Variants in ARHGAP26 observed in about 807,000 individuals in gnomAD.
The protein encoded by ARHGAP26 is rho GTPase-activating protein 26.
Under a neutral mutation model 104.8 loss-of-function variants are expected in ARHGAP26, and 38 were observed. The observed-to-expected ratio is 0.36, with a 90% CI of 0.28 to 0.48. The LOEUF (loss-of-function observed/expected upper bound fraction) is 0.48. Among genes scored for constraint, ARHGAP26 ranks in the 20% least tolerant of loss-of-function variants. The pLI is 0.99. For missense variants in ARHGAP26, 704 were observed against 947.9 expected (o/e 0.74, Z 3.38); for synonymous variants, 341 against 340.0 (o/e 1.00, Z -0.03).
chr5:142,982,276 C>G (rs1045969280), intron 11 of ARHGAP26, among the ~76,000 whole-genome samples: 1 of 152,240 alleles, frequency 6.6e-6, no homozygotes. Context: ...CTTTGGAGCA[C>G]TTGGGGATGC....
intron 11 of ARHGAP26, among the ~76,000 whole-genome samples, chr5:142,974,443 G>A (rs1317722904): frequency 6.6e-6 from 1 of 151,936 alleles, no homozygotes; most frequent in East Asian, 1.9e-4. Context: ...TACAGGCAAT[G>A]GCCCTCTTTA....
At chr5:142,867,262 T>G (rs990797965) in intron 1 of ARHGAP26, among the ~76,000 whole-genome samples, 16 of 151,792 alleles carry the variant, frequency 1.1e-4, no homozygotes, top group Non-Finnish European at 8.8e-5. Context: ...TATGGAGAAT[T>G]TTGTTTCATT....
chr5:142,907,916 TA>T, intron 9 of ARHGAP26, 112 bp downstream of exon 9: 1 of 632,874 alleles, frequency 1.6e-6, no homozygotes, highest in Non-Finnish European at 2.3e-6. Context: ...ATCATAAATT[TA>T]AAATTAATAA....
At chr5:143,058,388 G>A (rs1383862071) in intron 17 of ARHGAP26, among the ~76,000 whole-genome samples, 2 of 152,244 alleles carry the variant, frequency 1.3e-5, no homozygotes, top group Admixed American at 6.5e-5. Flanking sequence ...AAAGCATTCA[G>A]TAGGGACCTG....
At chr5:143,153,356 T>C (rs1800069532) in intron 20 of ARHGAP26, among the ~76,000 whole-genome samples, 1 of 152,168 alleles carries the variant, frequency 6.6e-6, no homozygotes, top group Admixed American at 6.5e-5. Flanking sequence ...CCACTGTCTC[T>C]GGTGGAAGAA....
chr5:143,028,587 G>A (rs1266937836), intron 12 of ARHGAP26, among the ~76,000 whole-genome samples: 1 of 152,166 alleles, frequency 6.6e-6, no homozygotes, highest in Non-Finnish European at 1.5e-5. Flanking sequence ...TCATGATCAT[G>A]TATTGAATAC....
chr5:143,142,234 G>A lies in ARHGAP26; in HGVS notation c.1838-4997G>A, dbSNP rs933330054. Among the ~76,000 whole-genome samples the A allele has an allele frequency of 3.0e-4, 43 of 144,524 alleles. 1 individual carries two copies. The highest frequency in any genetic ancestry group is 1.0e-3 in the African/African-American group (38 of 38,182). 94.8% of individuals were successfully genotyped at this position (144,524 alleles called of 152,430 possible). A position where few individuals can be genotyped will look rare whatever the true frequency, so the allele number is the denominator to read the frequency against. On this transcript the variant is annotated intron_variant, in intron 19 of 22. Coordinates refer to ENST00000645722, the MANE Select transcript of ARHGAP26 (RefSeq NM_001135608.3). ...GCTCACTGCAACCTTCGCCTCCCGG[G>A]TTCAAGTGATTCTCCCGCCTTAGCC...
chr5:143,177,694 A>T (rs1803686936), intron 20 of ARHGAP26, among the ~76,000 whole-genome samples: 1 of 152,174 alleles, frequency 6.6e-6, no homozygotes, highest in African/African-American at 2.4e-5. Context: ...CAGTTTGCAG[A>T]GTGTTTCATT....
intron 20 of ARHGAP26, among the ~76,000 whole-genome samples, chr5:143,206,140 G>T (rs1808509587): frequency 6.6e-6 from 1 of 152,176 alleles, no homozygotes; most frequent in Non-Finnish European, 1.5e-5. Context: ...CTGCTAAATT[G>T]CAGTACGCTT....
chr5:143,210,281 A>G (rs1326492542), intron 21 of ARHGAP26, among the ~76,000 whole-genome samples: 1 of 151,744 alleles, frequency 6.6e-6, no homozygotes, highest in Non-Finnish European at 1.5e-5. Context: ...GTGCAGGGAA[A>G]CTCCCGTTTT....
intron 12 of ARHGAP26, among the ~76,000 whole-genome samples, chr5:143,029,129 G>A (rs1403581371): frequency 6.6e-6 from 1 of 152,140 alleles, no homozygotes; most frequent in Non-Finnish European, 1.5e-5. Context: ...TTCCCTCTGT[G>A]TGTGTGAAAA....
rs1773350177 is a variant in ARHGAP26, at chr5:142,977,877, A to C, written c.1108-36203A>C. ...TATCTTGTGTTTCTCTGTTCGTACC[A>C]CTACTGCTTTCCTTCCTGGCTACAT... On this transcript the variant is annotated intron_variant, in intron 11 of 22. Transcript: ENST00000645722. 4.6e-5 allele frequency among the ~76,000 whole-genome samples: 7 copies of C among 152,328 alleles called. No individual in the cohort carries two copies. In the South Asian group the frequency reaches 1.4e-3, roughly 32 times the overall value.
At chr5:142,961,376 C>A (rs1770214913) in intron 11 of ARHGAP26, among the ~76,000 whole-genome samples, 1 of 152,038 alleles carries the variant, frequency 6.6e-6, no homozygotes. Flanking sequence ...CCTGCAGTTC[C>A]AGCTACGTGG....
At chr5:142,919,188 A>G in intron 10 of ARHGAP26, 1 of 398,590 alleles carries the variant, frequency 2.5e-6, no homozygotes, top group Non-Finnish European at 4.4e-6. Flanking sequence ...TTAATGCGAT[A>G]TTACCATTGT....
chr5:142,966,246 C>T (rs754223993), intron 11 of ARHGAP26, among the ~76,000 whole-genome samples: 12 of 152,206 alleles, frequency 7.9e-5, no homozygotes, highest in Non-Finnish European at 1.3e-4. Context: ...ACACAGACAG[C>T]TCTCAGGTAT....
intron 10 of ARHGAP26, among the ~76,000 whole-genome samples, chr5:142,924,598 TGCA>T (rs920084651): frequency 6.6e-6 from 1 of 152,244 alleles, no homozygotes; most frequent in African/African-American, 2.4e-5. Flanking sequence ...GGCTGCCAGT[TGCA>T]GCATCTTCTG....
Position 143,167,819 on chromosome 5 carries a change from A to G in ARHGAP26, c.1988+20438A>G, listed in dbSNP as rs143552927. Among the ~76,000 whole-genome samples, 63 of 152,342 alleles carry G rather than the reference A, an allele frequency of 4.1e-4. No homozygotes were observed. In the East Asian group the frequency reaches 0.011, roughly 26 times the overall value. On this transcript the variant is annotated intron_variant, in intron 20 of 22. Coordinates refer to ENST00000645722, the MANE Select transcript of ARHGAP26 (RefSeq NM_001135608.3). Reference sequence around the variant, plus strand: ...CAGCCATTCCAATGTGCAAAGAGAAACTGACAAGAGATAGTGGAAGCATTT... The same window carrying G: ...CAGCCATTCCAATGTGCAAAGAGAAGCTGACAAGAGATAGTGGAAGCATTT...
chr5:143,181,917 C>T (rs923031134), intron 20 of ARHGAP26, among the ~76,000 whole-genome samples: 1 of 152,172 alleles, frequency 6.6e-6, no homozygotes, highest in Admixed American at 6.5e-5. Flanking sequence ...CATGGTCAGC[C>T]ATTGTTTACC....
At position 143,226,475 on chromosome 5, in the gene ARHGAP26, C is replaced by G. The variant is rs567000395; in HGVS notation, c.*4029C>G. The G allele has an allele frequency of 6.3e-6, 1 of 158,852 alleles. No individual in the cohort carries two copies. Among genetic ancestry groups the G allele is most frequent in the East Asian group, 1.0e-4 (1 of 10,036 alleles). The allele number at this position is 158,852 out of a possible 1,614,324, so 9.8% of individuals were successfully genotyped here. ...CAGCCTGGGTGACAGAGCCAGACTCCGTCTCAAAGGAAAAAAAAAAAAAAA... is the reference window on the plus strand; with the variant it reads ...CAGCCTGGGTGACAGAGCCAGACTCGGTCTCAAAGGAAAAAAAAAAAAAAA... On this transcript the variant is annotated 3_prime_UTR_variant, in exon 23 of 23. Coordinates refer to ENST00000645722, the MANE Select transcript of ARHGAP26 (RefSeq NM_001135608.3).
Sources: gnomAD v4.1 joint callset for allele counts (sites outside exome capture counted in the v4.1 genomes callset) on GRCh38, gnomAD v4.1.1 for gene constraint, MANE v1.5 for transcripts, NCBI Gene and HGNC (gene_info 2026-07-23, HGNC 2026-07-21) for gene names.